Variants in ERBB4 observed in about 807,000 individuals in gnomAD.
ERBB4 encodes the protein erb-b2 receptor tyrosine kinase 4, also known as receptor tyrosine-protein kinase erbB-4.
Under a neutral mutation model 158.0 loss-of-function variants are expected in ERBB4, and 42 were observed. The ratio of observed to expected loss-of-function variants is 0.27; its 90% CI spans 0.21 to 0.34. ERBB4 has a LOEUF of 0.34. Ranked by LOEUF, ERBB4 falls within the 10% of genes least tolerant of loss-of-function variation. The probability of loss-of-function intolerance (pLI) is 1.00; values close to 1 mark genes in which losing one functional copy is unlikely to be tolerated. For synonymous variants in ERBB4, 583 were observed against 558.7 expected (o/e 1.04, Z -0.61); for missense variants, 1,333 against 1,624.1 (o/e 0.82, Z 3.08).
At chr2:211,973,616 C>A (rs1334915182) in intron 2 of ERBB4, among the ~76,000 whole-genome samples, 3 of 152,152 alleles carry the variant, frequency 2.0e-5, no homozygotes, top group African/African-American at 7.2e-5. Flanking sequence ...AAAAAGAATA[C>A]TTATACACTG....
chr2:212,216,735 C>T (rs1305598925), intron 1 of ERBB4, among the ~76,000 whole-genome samples: 1 of 151,358 alleles, frequency 6.6e-6, no homozygotes, highest in Non-Finnish European at 1.5e-5. Context: ...ACTTTCTCCT[C>T]ACTACAACAT....
intron 20 of ERBB4, among the ~76,000 whole-genome samples, chr2:211,537,253 G>A (rs1007490220): frequency 5.3e-5 from 8 of 151,748 alleles, no homozygotes; most frequent in South Asian, 2.1e-4. Context: ...TACTACAATA[G>A]CTTATAATGA....
At chr2:211,818,571 T>G (rs988344276) in intron 3 of ERBB4, among the ~76,000 whole-genome samples, 3 of 152,118 alleles carry the variant, frequency 2.0e-5, no homozygotes, top group African/African-American at 7.2e-5. Context: ...TCTACTTATG[T>G]TTAAGTACTT....
intron 20 of ERBB4, among the ~76,000 whole-genome samples, chr2:211,536,221 T>G (rs1308920235): frequency 6.6e-6 from 1 of 152,120 alleles, no homozygotes; most frequent in African/African-American, 2.4e-5. Context: ...AAGGAAATTC[T>G]TAGGAATCAA....
intron 1 of ERBB4, among the ~76,000 whole-genome samples, chr2:212,245,860 C>T (rs1193564720): frequency 6.6e-6 from 1 of 152,106 alleles, no homozygotes; most frequent in Non-Finnish European, 1.5e-5. Context: ...CTCCCCTTTC[C>T]TTCTCACTAT....
chr2:212,228,010 T>G (rs951622759), intron 1 of ERBB4, among the ~76,000 whole-genome samples: 1 of 152,162 alleles, frequency 6.6e-6, no homozygotes, highest in Non-Finnish European at 1.5e-5. Flanking sequence ...AATGTTCAGA[T>G]CATGTTACAT....
At chr2:211,543,996 G>A (rs2066878959) in intron 20 of ERBB4, among the ~76,000 whole-genome samples, 1 of 152,012 alleles carries the variant, frequency 6.6e-6, no homozygotes, top group Admixed American at 6.6e-5. Flanking sequence ...CTGCTGTCCT[G>A]TCCTGTAAAA....
At chr2:212,127,460 C>T (rs996726362) in intron 1 of ERBB4, among the ~76,000 whole-genome samples, 27 of 152,018 alleles carry the variant, frequency 1.8e-4, no homozygotes, top group Admixed American at 3.3e-4. Flanking sequence ...GGCCTGGTGG[C>T]GGGTGCCTGT....
At chr2:211,401,579 T>C (rs1372370064) in intron 25 of ERBB4, among the ~76,000 whole-genome samples, 1 of 152,076 alleles carries the variant, frequency 6.6e-6, no homozygotes, top group Non-Finnish European at 1.5e-5. Context: ...GAGAGGCATG[T>C]AGTCATGTAG....
At chr2:212,387,637 CA>C (rs1367982057) in intron 1 of ERBB4, among the ~76,000 whole-genome samples, 1 of 151,950 alleles carries the variant, frequency 6.6e-6, no homozygotes, top group African/African-American at 2.4e-5. Context: ...AGGCTTGGTT[CA>C]AACTCCTGAC....
Position 212,107,589 on chromosome 2 carries a change from G to A in ERBB4, c.234+17163C>T, listed in dbSNP as rs112649791. On this transcript the variant is annotated intron_variant, in intron 2 of 27. Transcript: ENST00000342788. ...TGAGATAAGACTTTGGGAGACTGTT[G>A]GGAAGGCATGATTGGTTTTGAAATG... 3.5e-3 allele frequency among the ~76,000 whole-genome samples: 538 copies of A among 152,246 alleles called. 1 individual carries two copies. The highest frequency in any genetic ancestry group is 0.012 in the African/African-American group (513 of 41,548).
At chr2:211,406,422 G>C (rs1177759150) in intron 25 of ERBB4, among the ~76,000 whole-genome samples, 2 of 152,066 alleles carry the variant, frequency 1.3e-5, no homozygotes, top group East Asian at 3.9e-4. Flanking sequence ...TGAATTAATG[G>C]ATACACAGCT....
intron 1 of ERBB4, among the ~76,000 whole-genome samples, chr2:212,351,706 A>C (rs1282033613): frequency 6.6e-6 from 1 of 152,160 alleles, no homozygotes; most frequent in African/African-American, 2.4e-5. Flanking sequence ...ATTGGCAAGA[A>C]GGTAGTCATT....
At chr2:212,469,300 C>T (rs920046322) in intron 1 of ERBB4, among the ~76,000 whole-genome samples, 3 of 152,016 alleles carry the variant, frequency 2.0e-5, no homozygotes, top group African/African-American at 4.8e-5. Flanking sequence ...CATAATGAAA[C>T]CATTATGAAA....
At chr2:212,236,539 T>C (rs2083881897) in intron 1 of ERBB4, among the ~76,000 whole-genome samples, 2 of 152,328 alleles carry the variant, frequency 1.3e-5, no homozygotes, top group Non-Finnish European at 2.9e-5. Context: ...TCAGAAGGAA[T>C]GGCACAAGCT....
intron 23 of ERBB4, among the ~76,000 whole-genome samples, chr2:211,423,263 C>A (rs995421464): frequency 1.1e-4 from 16 of 151,924 alleles, no homozygotes; most frequent in Non-Finnish European, 1.5e-5. Context: ...CTGCAAAGAA[C>A]ATTTTTTATT....
At chr2:211,737,579 G>T (rs1316748488) in intron 5 of ERBB4, among the ~76,000 whole-genome samples, 2 of 152,030 alleles carry the variant, frequency 1.3e-5, no homozygotes, top group Non-Finnish European at 2.9e-5. Context: ...TTCACTTTAC[G>T]TAATAGCTGT....
intron 20 of ERBB4, among the ~76,000 whole-genome samples, chr2:211,490,819 G>C (rs1454993274): frequency 6.6e-6 from 1 of 152,102 alleles, no homozygotes; most frequent in Non-Finnish European, 1.5e-5. Flanking sequence ...GGGGAAGAAA[G>C]AGACATCTTT....
intron 3 of ERBB4, among the ~76,000 whole-genome samples, chr2:211,793,942 G>A (rs1011309623): frequency 5.9e-5 from 9 of 151,846 alleles, no homozygotes; most frequent in Non-Finnish European, 1.5e-5. Context: ...GAAATGTCAC[G>A]TTTGTATTGG....
Sources: allele counts gnomAD v4.1 joint callset (sites outside exome capture counted in the v4.1 genomes callset), GRCh38; gene constraint gnomAD v4.1.1; transcripts MANE v1.5; gene names NCBI Gene and HGNC (gene_info 2026-07-23, HGNC 2026-07-21).